The following AOPEP variants were observed in gnomAD, a reference collection of about 807,000 sequenced individuals.
AOPEP encodes the protein aminopeptidase O (putative).
AOPEP carries 77 observed loss-of-function variants against 98.1 expected under a neutral mutation model. That is an observed-to-expected ratio of 0.78 (90% confidence interval 0.65 to 0.95). The LOEUF (loss-of-function observed/expected upper bound fraction) is 0.95, where lower values mean the gene tolerates loss of function less well. AOPEP is among the 40% of genes least tolerant of loss of function. The pLI, the probability that AOPEP is intolerant of heterozygous loss-of-function variation, is 0.00. For synonymous variants in AOPEP, 346 were observed against 365.3 expected (o/e 0.95, Z 0.60); for missense variants, 1,024 against 1,024.7 (o/e 1.00, Z 0.01).
chr9:94,976,601 T>C (rs1210762273), intron 10 of AOPEP, among the ~76,000 whole-genome samples: 1 of 152,122 alleles, frequency 6.6e-6, no homozygotes, highest in Non-Finnish European at 1.5e-5. Context: ...CATCTTCCTC[T>C]TAAATATCTT....
At chr9:94,830,988 C>A (rs1286576590) in intron 5 of AOPEP, among the ~76,000 whole-genome samples, 2 of 151,934 alleles carry the variant, frequency 1.3e-5, no homozygotes, top group Non-Finnish European at 2.9e-5. Context: ...AATTTTTTTC[C>A]CATTCTTTAC....
intron 10 of AOPEP, 25 bp from the exon 11 acceptor site, chr9:94,979,342 A>G (rs1330080611): frequency 1.3e-6 from 2 of 1,546,024 alleles, no homozygotes; most frequent in Non-Finnish European, 1.8e-6. Flanking sequence ...TTAATCCTTT[A>G]CTTTTTGTTG....
chr9:94,899,713 G>A (rs1156415895), intron 5 of AOPEP, among the ~76,000 whole-genome samples: 1 of 151,744 alleles, frequency 6.6e-6, no homozygotes, highest in Non-Finnish European at 1.5e-5. Context: ...TCGCACCACT[G>A]CACTTCAGCC....
chr9:95,088,772 T>G (rs1161853738), downstream of AOPEP, among the ~76,000 whole-genome samples: 2 of 152,202 alleles, frequency 1.3e-5, no homozygotes, highest in African/African-American at 4.8e-5. Context: ...GCTGAATAGG[T>G]GGGGTTCTGC....
chr9:94,803,791 G>A (rs1274630318), intron 5 of AOPEP, among the ~76,000 whole-genome samples: 4 of 152,158 alleles, frequency 2.6e-5, no homozygotes, highest in Non-Finnish European at 5.9e-5. Context: ...TTCCAGGGGA[G>A]AGGGACTTTA....
intron 1 of AOPEP, among the ~76,000 whole-genome samples, chr9:94,731,957 G>C (rs986362679): frequency 1.3e-5 from 2 of 151,844 alleles, no homozygotes; most frequent in Admixed American, 1.3e-4. Context: ...GCTAATTTTT[G>C]TATTTTTAGT....
At chr9:94,937,479 C>T (rs2056443377) in intron 7 of AOPEP, among the ~76,000 whole-genome samples, 1 of 152,202 alleles carries the variant, frequency 6.6e-6, no homozygotes, top group Admixed American at 6.5e-5. Flanking sequence ...TTGAAGCCCT[C>T]AACTGCCCTA....
chr9:95,114,575 G>C, the AOPEP span: 1 of 1,485,994 alleles, frequency 6.7e-7, no homozygotes, highest in Non-Finnish European at 9.4e-7. Flanking sequence ...GGCAGATGAG[G>C]ATCTAGGGAA....
chr9:94,927,141 C>T (rs983181330), intron 6 of AOPEP, among the ~76,000 whole-genome samples: 3 of 152,156 alleles, frequency 2.0e-5, no homozygotes, highest in South Asian at 2.1e-4. Context: ...TTTTTCTCTG[C>T]GTTCTCATAT....
intron 2 of AOPEP, among the ~76,000 whole-genome samples, chr9:94,771,700 C>G (rs552519861): frequency 6.6e-6 from 1 of 152,044 alleles, no homozygotes; most frequent in African/African-American, 2.4e-5. Flanking sequence ...CCTTTGGCCC[C>G]TTCAGTGTGG....
intron 13 of AOPEP, among the ~76,000 whole-genome samples, chr9:95,030,831 T>C (rs1027628033): frequency 6.6e-6 from 1 of 152,222 alleles, no homozygotes; most frequent in Non-Finnish European, 1.5e-5. Context: ...TAACCGTGGG[T>C]CTATTTCTGC....
intron 5 of AOPEP, among the ~76,000 whole-genome samples, chr9:94,905,092 T>C (rs1312415902): frequency 1.3e-5 from 2 of 152,246 alleles, no homozygotes; most frequent in African/African-American, 4.8e-5. Context: ...AAAGCATCTT[T>C]GTTCTTTGTA....
intron 5 of AOPEP, chr9:94,920,338 A>C (rs943641816): frequency 1.3e-5 from 2 of 153,042 alleles, no homozygotes; most frequent in Admixed American, 6.5e-5. Context: ...AAAAAAATGT[A>C]AACTTGCTCT....
Position 94,909,254 on chromosome 9 carries a change from C to T in AOPEP, c.1365-14732C>T, listed in dbSNP as rs148165782. Among the ~76,000 whole-genome samples the T allele has an allele frequency of 1.1e-4, 17 of 150,332 alleles. No individual in the cohort carries two copies. The East Asian group carries it at 2.6e-3, about 23-fold the overall frequency. ...AGCAAACATGCTGTAGTTAAGGTTA[C>T]GCGCATTGAGCGTCAGCATAATCCA... On this transcript the variant is annotated intron_variant, in intron 5 of 16. Coordinates refer to ENST00000375315, the MANE Select transcript of AOPEP (RefSeq NM_001193329.3).
the AOPEP span, among the ~76,000 whole-genome samples, chr9:95,146,730 G>A: frequency 6.6e-5 from 10 of 151,896 alleles, no homozygotes; most frequent in Non-Finnish European, 1.3e-4. Context: ...ACTGCAGACA[G>A]AGCCACTCGT....
intron 5 of AOPEP, among the ~76,000 whole-genome samples, chr9:94,923,696 G>A (rs1349985564): frequency 2.6e-5 from 4 of 152,130 alleles, no homozygotes; most frequent in African/African-American, 9.7e-5. Flanking sequence ...CCATTGCCTT[G>A]TAATTTTTGT....
At chr9:95,121,832 G>A in the AOPEP span, among the ~76,000 whole-genome samples, 1 of 151,632 alleles carries the variant, frequency 6.6e-6, no homozygotes, top group Non-Finnish European at 1.5e-5. Flanking sequence ...TTCAGAAAGA[G>A]CAAAGGGATA....
chr9:95,045,336 G>T (rs2065754043), intron 13 of AOPEP, among the ~76,000 whole-genome samples: 1 of 152,244 alleles, frequency 6.6e-6, no homozygotes, highest in Non-Finnish European at 1.5e-5. Context: ...GCAGGCTGGG[G>T]CGCGCCCCTG....
At chr9:94,926,902 A>G (rs974846892) in intron 6 of AOPEP, among the ~76,000 whole-genome samples, 8 of 152,194 alleles carry the variant, frequency 5.3e-5, no homozygotes, top group African/African-American at 1.7e-4. Flanking sequence ...AGTCAGTCGC[A>G]AGGTTGGATG....
Sources: allele counts gnomAD v4.1 joint callset (sites outside exome capture counted in the v4.1 genomes callset), GRCh38; gene constraint gnomAD v4.1.1; transcripts MANE v1.5; gene names NCBI Gene and HGNC (gene_info 2026-07-23, HGNC 2026-07-21).